Variants in BACE1 observed in about 807,000 individuals in gnomAD.
BACE1 encodes the protein APP beta-secretase.
In BACE1, 21 loss-of-function variants were observed where a neutral mutation model predicts 54.0. That is an observed-to-expected ratio of 0.39 (90% CI 0.28 to 0.56). The LOEUF is 0.56. Among genes scored for constraint, BACE1 ranks in the 20% least tolerant of loss-of-function variants. The probability of loss-of-function intolerance (pLI) is 0.63; values close to 1 mark genes in which losing one functional copy is unlikely to be tolerated. For missense variants in BACE1, 511 were observed against 661.2 expected (o/e 0.77, Z 2.49); for synonymous variants, 232 against 260.9 (o/e 0.89, Z 1.07).
intron 1 of BACE1, among the ~76,000 whole-genome samples, chr11:117,298,885 C>A (rs28989493): frequency 0.042 from 6,375 of 152,220 alleles, 425 homozygotes; most frequent in African/African-American, 0.14. Context: ...GGCTCACTGC[C>A]ATCTCCGCCT....
chr11:117,297,202 A>AGGTT, intron 1 of BACE1: 3 of 461,854 alleles, frequency 6.5e-6, no homozygotes, highest in Non-Finnish European at 1.1e-5. Flanking sequence ...GGTCTGCTGA[A>AGGTT]AAACCAACTG....
At chr11:117,290,159 G>A (rs1192233425) in intron 8 of BACE1, among the ~76,000 whole-genome samples, 1 of 152,224 alleles carries the variant, frequency 6.6e-6, no homozygotes, top group Non-Finnish European at 1.5e-5. Flanking sequence ...CCTTTCTGAA[G>A]TAGCATTCAG....
intron 1 of BACE1, chr11:117,299,580 C>G: frequency 8.8e-6 from 3 of 340,996 alleles, no homozygotes; most frequent in Non-Finnish European, 1.7e-5. Context: ...GACCTTGTCT[C>G]CTCCCTCCTT....
rs537026288 is a variant in BACE1, at chr11:117,297,034, C to T, written c.262-73G>A. The stretch of plus-strand genomic sequence containing the variant: ...GTCACACCACCTTTATTATCCCTCA[C>T]GCCCCAGCCACAGTCTGCCCCTTAG... On this transcript the variant is annotated intron_variant, in intron 1 of 8. Transcript: ENST00000313005. 2.1e-4 allele frequency: 231 copies of T among 1,117,552 alleles called. No homozygotes were observed. In the South Asian group the frequency reaches 2.6e-3, roughly 13 times the overall value. The allele number at this position is 1,117,552 out of a possible 1,614,324, so 69.2% of individuals were successfully genotyped here. A position where few individuals can be genotyped will look rare whatever the true frequency, so the allele number is the denominator to read the frequency against.
chr11:117,293,877 C>G lies in BACE1; in HGVS notation c.699G>C (p.Gly233=). The change falls in exon 4 of 9, where the codon GGG becomes GGC. Residue 233 remains glycine (G), a synonymous_variant. Coordinates refer to ENST00000313005, the MANE Select transcript of BACE1 (RefSeq NM_012104.6). The surrounding 1 kb of genome is among the most constrained non-coding windows in gnomAD (Gnocchi z 4.1). ...TCTCTGAGGACCTACTCACCATGCTCCCTCCGACAGAGGCCAGCACTTCAG... is the reference window on the plus strand; with the variant it reads ...TCTCTGAGGACCTACTCACCATGCTGCCTCCGACAGAGGCCAGCACTTCAG... The part of the protein sequence containing the change: ...NQSEVLASVG[G]SMIIGGIDHS... 6.2e-7 allele frequency: 1 copy of G among 1,612,796 alleles called. No individual in the cohort carries two copies.
Position 117,293,321 on chromosome 11 carries a change from C to T in BACE1, c.706-133G>A. 2.3e-6 allele frequency: 2 copies of T among 879,512 alleles called. No homozygotes were observed. Among genetic ancestry groups the T allele is most frequent in the South Asian group, 4.0e-5 (2 of 50,274 alleles). 54.5% of individuals were successfully genotyped at this position (879,512 alleles called of 1,614,324 possible). The stretch of plus-strand genomic sequence containing the variant: ...ACAGGCTACCCTTTTCATCTTCCTG[C>T]TTCTAAACAAATCATACCCAAAGTG... On this transcript the variant is annotated intron_variant, in intron 4 of 8. Transcript: ENST00000313005. The surrounding 1 kb of genome is among the most constrained non-coding windows in gnomAD (Gnocchi z 4.1).
At chr11:117,296,219 A>C (rs1014316299) in intron 2 of BACE1, among the ~76,000 whole-genome samples, 2 of 151,550 alleles carry the variant, frequency 1.3e-5, no homozygotes, top group Admixed American at 1.3e-4. Flanking sequence ...ACTGCCTCTT[A>C]TCTTAAAGCC....
chr11:117,315,956 G>C lies in BACE1; in HGVS notation c.-161C>G. On this transcript the variant is annotated 5_prime_UTR_variant, in exon 1 of 9. Coordinates refer to ENST00000313005, the MANE Select transcript of BACE1 (RefSeq NM_012104.6). This position sits in a 1 kb window ranked among gnomAD's most constrained non-coding sequence, Gnocchi z 5.5. Reference sequence around the variant, plus strand: ...GGGCCCTGGGCCAGCCCCCGGGTCCGGGCTGTGGAGAGCGGTCAGGGGAGA... The same window carrying C: ...GGGCCCTGGGCCAGCCCCCGGGTCCCGGCTGTGGAGAGCGGTCAGGGGAGA... 1 of 752,570 alleles carries C rather than the reference G, an allele frequency of 1.3e-6. No individual in the cohort carries two copies. Among genetic ancestry groups the C allele is most frequent in the Non-Finnish European group, 1.9e-6 (1 of 519,710 alleles). 46.6% of individuals were successfully genotyped at this position (752,570 alleles called of 1,614,324 possible).
In BACE1 at chr11:117,288,933, C is replaced by T. The variant is rs1377763054; in HGVS notation, c.*633G>A. 1 of 152,684 alleles carries T rather than the reference C, an allele frequency of 6.5e-6. No homozygotes were observed. Among genetic ancestry groups the T allele is most frequent in the Admixed American group, 6.5e-5 (1 of 15,332 alleles). The allele number at this position is 152,684 out of a possible 1,614,324, so 9.5% of individuals were successfully genotyped here. ...GTGGTTGTGTTTCTGCCTTTCCTAGCTTTGATCCCACTATTCCCTGTCTTT... is the reference window on the plus strand; with the variant it reads ...GTGGTTGTGTTTCTGCCTTTCCTAGTTTTGATCCCACTATTCCCTGTCTTT... On this transcript the variant is annotated 3_prime_UTR_variant, in exon 9 of 9. Coordinates refer to ENST00000313005, the MANE Select transcript of BACE1 (RefSeq NM_012104.6).
At chr11:117,303,422 TC>T (rs1236610685) in intron 1 of BACE1, among the ~76,000 whole-genome samples, 1 of 152,228 alleles carries the variant, frequency 6.6e-6, no homozygotes, top group Non-Finnish European at 1.5e-5. Context: ...TGCCCAGGTT[TC>T]ACTCTGCATG....
At chr11:117,309,218 A>G (rs2034895212) in intron 1 of BACE1, among the ~76,000 whole-genome samples, 1 of 152,130 alleles carries the variant, frequency 6.6e-6, no homozygotes, top group Non-Finnish European at 1.5e-5. Context: ...TCATGATGCT[A>G]GACTCTCCAA....
chr11:117,290,832 C>A, intron 7 of BACE1, 68 bp downstream of exon 7: 1 of 1,579,626 alleles, frequency 6.3e-7, no homozygotes, highest in Non-Finnish European at 8.6e-7. Flanking sequence ...TCTGGCAAGC[C>A]ATACCTGCTC....
chr11:117,302,333 A>AAAAACAAAAC (rs533088595), intron 1 of BACE1, among the ~76,000 whole-genome samples: 1 of 148,954 alleles, frequency 6.7e-6, no homozygotes, highest in Non-Finnish European at 1.5e-5. Context: ...ATTCTGTCTC[A>AAAAACAAAAC]AAAACAAAAC....
chr11:117,315,686 G>A lies in BACE1; in HGVS notation c.110C>T (p.Ala37Val). 6.6e-7 allele frequency: 1 copy of A among 1,522,970 alleles called. No individual in the cohort carries two copies. The highest frequency in any genetic ancestry group is 8.8e-7 in the Non-Finnish European group (1 of 1,137,148). 94.3% of individuals were successfully genotyped at this position (1,522,970 alleles called of 1,614,324 possible). A position where few individuals can be genotyped will look rare whatever the true frequency, so the allele number is the denominator to read the frequency against. ...RLPLRSGLGG[A>V]PLGLRLPRET... ...CCGGGGCAGCCGCAGCCCCAGGGGG[G>A]CGCCCCCCAGGCCGCTGCGCAGGGG... The change falls in exon 1 of 9, where the codon GCC becomes GTC. Residue 37 changes from alanine to valine, a missense_variant. This residue lies in a region of BACE1 where 104 missense variants were observed against 95.5 expected (regional missense o/e 1.09). Transcript: ENST00000313005. This position sits in a 1 kb window ranked among gnomAD's most constrained non-coding sequence, Gnocchi z 5.5.
At position 117,290,618 on chromosome 11, in the gene BACE1, G is replaced by A. The variant is rs370158287; in HGVS notation, c.1134C>T (p.Asp378=). ...GTGAGATGGCAAACTTGTAACAGTC[G>A]TCTTGGGACGTGGCCACATCTTCCA... ...RPVEDVATSQ[D]DCYKFAISQS... is the part of the protein sequence containing the mutation. The change falls in exon 8 of 9, where the codon GAC becomes GAT. Residue 378 remains aspartate, a synonymous_variant. Transcript: ENST00000313005. The A allele has an allele frequency of 4.0e-5, 65 of 1,614,198 alleles. No individual in the cohort carries two copies. The highest frequency in any genetic ancestry group is 1.5e-4 in the African/African-American group (11 of 75,038).
chr11:117,289,629 G>A lies in BACE1; in HGVS notation c.1443C>T (p.Arg481=). The part of the protein sequence containing the change: ...LPLCLMVCQW[R]CLRCLRQQHD... ...GCTGCTGGCGCAGGCAGCGGAGGCAGCGCCACTGACACACCATGAGGCAGA... is the reference window on the plus strand; with the variant it reads ...GCTGCTGGCGCAGGCAGCGGAGGCAACGCCACTGACACACCATGAGGCAGA... Residue 481 remains arginine (R), a synonymous_variant, in exon 9 of 9, where the codon CGC becomes CGT. Coordinates refer to ENST00000313005, the MANE Select transcript of BACE1 (RefSeq NM_012104.6). 1 of 1,614,236 alleles carries A rather than the reference G, an allele frequency of 6.2e-7. No individual in the cohort carries two copies. Among genetic ancestry groups the A allele is most frequent in the Non-Finnish European group, 8.5e-7 (1 of 1,180,040 alleles).
intron 2 of BACE1, among the ~76,000 whole-genome samples, chr11:117,296,444 G>C (rs930848735): frequency 6.6e-6 from 1 of 152,122 alleles, no homozygotes; most frequent in African/African-American, 2.4e-5. Context: ...GTGGCCCCTG[G>C]GTAAGAACAC....
At chr11:117,300,470 G>A (rs372461669) in intron 1 of BACE1, among the ~76,000 whole-genome samples, 10 of 152,298 alleles carry the variant, frequency 6.6e-5, no homozygotes, top group African/African-American at 1.2e-4. Context: ...GGATGGGGGG[G>A]GCTCTTAACA....
Position 117,293,925 on chromosome 11 carries a change from A to G in BACE1, c.651T>C (p.Gly217=). The G allele has an allele frequency of 6.2e-7, 1 of 1,614,084 alleles. No homozygotes were observed. The highest frequency in any genetic ancestry group is 8.5e-7 in the Non-Finnish European group (1 of 1,179,996). Residue 217 remains glycine, a synonymous_variant, in exon 4 of 9, where the codon GGT becomes GGC. Transcript: ENST00000313005. The surrounding 1 kb of genome is among the most constrained non-coding windows in gnomAD (Gnocchi z 4.1). ...VPNLFSLQLC[G]AGFPLNQSEV... is the part of the protein sequence containing the mutation. ...CAGACTGGTTGAGGGGGAAGCCAGCACCACAAAGCTGCAGGGAGAAGAGGT... is the reference window on the plus strand; with the variant it reads ...CAGACTGGTTGAGGGGGAAGCCAGCGCCACAAAGCTGCAGGGAGAAGAGGT...
Sources: allele counts gnomAD v4.1 joint callset (sites outside exome capture counted in the v4.1 genomes callset), GRCh38; gene constraint gnomAD v4.1.1; regional missense constraint gnomAD v4.1.1; non-coding constraint Gnocchi (gnomAD v3.1); transcripts MANE v1.5; gene names NCBI Gene and HGNC (gene_info 2026-07-23, HGNC 2026-07-21).